PDK3: variants seen among roughly 807,000 people sequenced by gnomAD.
PDK3 encodes the protein pyruvate dehydrogenase kinase 3, also known as pyruvate dehydrogenase kinase, isozyme 3.
Under a neutral mutation model 32.0 loss-of-function variants are expected in PDK3, and 12 were observed. The ratio of observed to expected loss-of-function variants is 0.37; its 90% CI spans 0.24 to 0.61. The LOEUF (loss-of-function observed/expected upper bound fraction) is 0.61. Among genes scored for constraint, PDK3 ranks in the 20% least tolerant of loss-of-function variants. The pLI, the probability that PDK3 is intolerant of heterozygous loss-of-function variation, is 0.65. For synonymous variants in PDK3, 122 were observed against 116.3 expected (o/e 1.05, Z -0.31); for missense variants, 188 against 316.9 (o/e 0.59, Z 3.09).
chrX:24,524,394 G>T (rs1479910151), intron 6 of PDK3, among the ~76,000 whole-genome samples: 1 of 111,813 alleles, frequency 8.9e-6, no homozygotes, highest in Non-Finnish European at 1.9e-5. Context: ...CTTCCAGTAA[G>T]CTGGAAGATC....
intron 1 of PDK3, among the ~76,000 whole-genome samples, chrX:24,468,206 A>G (rs913361359): frequency 2.7e-5 from 3 of 112,214 alleles, no homozygotes; most frequent in African/African-American, 9.7e-5. Flanking sequence ...TCAAAAGTGG[A>G]GGCTAAAACT....
chrX:24,468,215 CTTG>C (rs1165590587), intron 1 of PDK3, among the ~76,000 whole-genome samples: 5 of 112,036 alleles, frequency 4.5e-5, no homozygotes, highest in South Asian at 3.7e-4. Context: ...GAGGCTAAAA[CTTG>C]TTGTTACTTC....
rs1434606281 is a variant in PDK3, at chrX:24,511,634, G to T, written c.595+6336G>T. Among the ~76,000 whole-genome samples the T allele has an allele frequency of 1.6e-4, 18 of 111,500 alleles. No individual in the cohort carries two copies. In the East Asian group the frequency reaches 2.5e-3, roughly 16 times the overall value. On this transcript the variant is annotated intron_variant, in intron 5 of 10. Coordinates refer to ENST00000379162, the MANE Select transcript of PDK3 (RefSeq NM_005391.5). ...AGGCCAAGGCGGGTGGATCACCTGAGGTCAGGAGTTCGAGACCAGCCTGGC... is the reference window on the plus strand; with the variant it reads ...AGGCCAAGGCGGGTGGATCACCTGATGTCAGGAGTTCGAGACCAGCCTGGC...
intron 1 of PDK3, among the ~76,000 whole-genome samples, chrX:24,474,571 G>T (rs1036296532): frequency 1.8e-5 from 2 of 109,384 alleles, no homozygotes; most frequent in African/African-American, 6.7e-5. Context: ...GCGCCACCAC[G>T]CCCGGCTAAT....
chrX:24,542,057 T>A (rs1276329337), exon 12 of PDK3, among the ~76,000 whole-genome samples: 1 of 112,161 alleles, frequency 8.9e-6, no homozygotes, highest in East Asian at 2.8e-4. Context: ...TAGGGCAACA[T>A]CTTTCTAAGT....
At chrX:24,511,918 C>T (rs943422432) in intron 5 of PDK3, among the ~76,000 whole-genome samples, 7 of 110,461 alleles carry the variant, frequency 6.3e-5, no homozygotes, top group Non-Finnish European at 1.3e-4. Context: ...ATCCTTAGAT[C>T]TCTTGAGACA....
intron 9 of PDK3, among the ~76,000 whole-genome samples, chrX:24,531,153 C>T (rs1039470458): frequency 1.8e-5 from 2 of 110,144 alleles, no homozygotes; most frequent in African/African-American, 3.3e-5. Context: ...GCAACCTCCA[C>T]CTCCTGGGTT....
At position 24,540,889 on chromosome X, in the gene PDK3, C is replaced by CTTTT. The variant is rs369307335; in HGVS notation, c.*1760_*1763dup. On this transcript the variant is annotated 3_prime_UTR_variant, in exon 12 of 12. Transcript: ENST00000568479. ...CTTTACATGCAAAGACCCTAGCTTC[C>CTTTT]TTTTTTTTTTTTTTTTTTTTTTTTT... Among the ~76,000 whole-genome samples the CTTTT allele has an allele frequency of 1.6e-4, 6 of 36,680 alleles. 2 individuals are homozygous for CTTTT. The highest frequency in any genetic ancestry group is 3.5e-4 in the African/African-American group (2 of 5,714). The allele number at this position is 36,680 out of a possible 115,157, so 31.9% of individuals were successfully genotyped here. A position where few individuals can be genotyped will look rare whatever the true frequency, so the allele number is the denominator to read the frequency against.
chrX:24,500,343 G>A (rs761376107), intron 3 of PDK3, among the ~76,000 whole-genome samples: 2 of 112,070 alleles, frequency 1.8e-5, no homozygotes, highest in Non-Finnish European at 3.8e-5. Context: ...TAGGCTGTAT[G>A]CACTATTTTA....
At chrX:24,524,803 T>A (rs1206950232) in intron 6 of PDK3, among the ~76,000 whole-genome samples, 1 of 111,925 alleles carries the variant, frequency 8.9e-6, no homozygotes, top group East Asian at 2.8e-4. Flanking sequence ...GGAAGGACTT[T>A]TGTTTTTCTT....
intron 3 of PDK3, 34 bp from the exon 4 acceptor site, chrX:24,503,285 GAGATATTA>G (rs1921906633): frequency 2.0e-6 from 2 of 1,021,661 alleles, no homozygotes; most frequent in Middle Eastern, 2.6e-4. Context: ...ATCAGCCCAT[GAGATATTA>G]AGACTGACCA....
chrX:24,540,775 G>A (rs1922870794), exon 12 of PDK3, among the ~76,000 whole-genome samples: 1 of 106,436 alleles, frequency 9.4e-6, no homozygotes, highest in African/African-American at 3.5e-5. Flanking sequence ...CCATAGGTCT[G>A]AGGACCGAGT....
chrX:24,472,278 G>A (rs922044262), intron 1 of PDK3, among the ~76,000 whole-genome samples: 1 of 111,932 alleles, frequency 8.9e-6, no homozygotes, highest in Non-Finnish European at 1.9e-5. Flanking sequence ...CTTGAAATGT[G>A]GCTAGTGTGG....
chrX:24,499,978 C>T (rs779932667), intron 3 of PDK3, among the ~76,000 whole-genome samples: 72 of 111,723 alleles, frequency 6.4e-4, no homozygotes, highest in Admixed American at 1.3e-3. Context: ...GTCATTTAAG[C>T]GATTATTAAA....
intron 2 of PDK3, among the ~76,000 whole-genome samples, chrX:24,497,556 G>T (rs945488760): frequency 8.9e-6 from 1 of 112,994 alleles, no homozygotes; most frequent in African/African-American, 3.2e-5. Flanking sequence ...GAAGTGCTGG[G>T]ATTACAGGCG....
At chrX:24,514,126 G>C (rs761674176) in intron 5 of PDK3, among the ~76,000 whole-genome samples, 8 of 112,052 alleles carry the variant, frequency 7.1e-5, no homozygotes, top group Admixed American at 1.9e-4. Flanking sequence ...ATTTTGAATA[G>C]GAAAATCTGA....
chrX:24,531,593 T>C, intron 9 of PDK3, 64 bp from the exon 10 acceptor site: 1 of 579,673 alleles, frequency 1.7e-6, no homozygotes. Context: ...CTCTGAATGG[T>C]CATCATATAA....
At chrX:24,488,854 A>G (rs1921475127) in intron 1 of PDK3, among the ~76,000 whole-genome samples, 1 of 112,384 alleles carries the variant, frequency 8.9e-6, no homozygotes, top group Non-Finnish European at 1.9e-5. Context: ...TCCCTTTGTC[A>G]TCTTTGAACT....
In PDK3 at chrX:24,534,328, C is replaced by A; in HGVS notation, c.*256C>A. On this transcript the variant is annotated 3_prime_UTR_variant, in exon 11 of 11. Coordinates refer to ENST00000379162, the MANE Select transcript of PDK3 (RefSeq NM_005391.5). ...ATCCATCCAATGGAATATTATTTGG[C>A]CTTAAAAAGGAAGGACATTCTGATA... 1.5e-6 allele frequency: 1 copy of A among 675,788 alleles called. No individual in the cohort carries two copies. The highest frequency in any genetic ancestry group is 1.9e-6 in the Non-Finnish European group (1 of 522,971). 55.7% of individuals were successfully genotyped at this position (675,788 alleles called of 1,213,427 possible).
Sources: gnomAD v4.1 joint callset for allele counts (sites outside exome capture counted in the v4.1 genomes callset) on GRCh38, gnomAD v4.1.1 for gene constraint, MANE v1.5 for transcripts, NCBI Gene and HGNC (gene_info 2026-07-23, HGNC 2026-07-21) for gene names.